EEF1A2: variants seen among roughly 807,000 people sequenced by gnomAD.
EEF1A2 encodes the protein eukaryotic translation elongation factor 1 alpha 2.
A neutral mutation model predicts 39.3 loss-of-function variants in EEF1A2; 5 were observed. That is an observed-to-expected ratio of 0.13 (90% CI 0.07 to 0.27). The LOEUF (loss-of-function observed/expected upper bound fraction) is 0.27, where lower values mean the gene tolerates loss of function less well. Ranked by LOEUF, EEF1A2 falls within the 10% of genes least tolerant of loss-of-function variation. EEF1A2 has a pLI of 1.00. For missense variants in EEF1A2, 218 were observed against 681.4 expected (o/e 0.32, Z 7.57); for synonymous variants, 287 against 293.7 (o/e 0.98, Z 0.23).
At chr20:63,494,321 C>G (rs960540754) in intron 4 of EEF1A2, among the ~76,000 whole-genome samples, 2 of 152,246 alleles carry the variant, frequency 1.3e-5, no homozygotes, top group African/African-American at 4.8e-5. Context: ...CAAGAGCCAA[C>G]CCTTGGCCAT....
Position 63,495,967 on chromosome 20 carries a change from G to A in EEF1A2, c.213C>T (p.Ile71=). Residue 71 remains isoleucine (I), a synonymous_variant, in exon 3 of 8, where the codon ATC becomes ATT. Transcript: ENST00000217182. ...DKLKAERERG[I]TIDISLWKFE... ...ACTTCCAGAGGGAGATGTCGATGGT[G>A]ATGCCGCGCTCACGCTCCGCCTTCA... 6.2e-7 allele frequency: 1 copy of A among 1,613,242 alleles called. No homozygotes were observed. Among genetic ancestry groups the A allele is most frequent in the Non-Finnish European group, 8.5e-7 (1 of 1,179,970 alleles).
chr20:63,494,805 G>T lies in EEF1A2; in HGVS notation c.621C>A (p.Asn207Lys), dbSNP rs544401782. Residue 207 changes from asparagine to lysine, a missense_variant and splice_region_variant, in exon 4 of 8, where the codon AAC becomes AAA. Asn to Lys is a moderately conservative substitution (Grantham distance 94). Transcript: ENST00000217182. The stretch of plus-strand genomic sequence containing the variant: ...CCGCCCCGCCCTAGCCGCCACTCAC[G>T]TTGGGGGAGGGCTCCAGCATGTTGT... ...HGDNMLEPSP[N>K]MPWFKGWKVE... The T allele has an allele frequency of 6.2e-7, 1 of 1,608,566 alleles. No individual in the cohort carries two copies. Among genetic ancestry groups the T allele is most frequent in the Admixed American group, 1.7e-5 (1 of 59,964 alleles).
At chr20:63,496,203 C>G (rs2082415926) in intron 2 of EEF1A2, 168 bp from the exon 3 acceptor site, 1 of 792,328 alleles carries the variant, frequency 1.3e-6, no homozygotes, top group African/African-American at 1.7e-5. Flanking sequence ...CGTCGGGACC[C>G]CACACCCAGA....
At chr20:63,492,452 G>A (rs2082390668) in intron 5 of EEF1A2, among the ~76,000 whole-genome samples, 1 of 150,744 alleles carries the variant, frequency 6.6e-6, no homozygotes, top group Admixed American at 6.6e-5. Context: ...GACAATGGAT[G>A]GATGGATGGA....
intron 5 of EEF1A2, 100 bp downstream of exon 5, chr20:63,493,037 G>A (rs1023755764): frequency 5.4e-5 from 78 of 1,434,668 alleles, no homozygotes; most frequent in Admixed American, 7.3e-5. Context: ...TAAGGGGAGA[G>A]ATTGGAGACA....
At chr20:63,488,800 G>T (rs372021131) in intron 7 of EEF1A2, 118 bp downstream of exon 7, 29 of 1,142,426 alleles carry the variant, frequency 2.5e-5, no homozygotes, top group Middle Eastern at 2.8e-4. Context: ...TCTGGGCCAA[G>T]CTCCGCAGGA....
At chr20:63,493,809 G>A (rs758070816) in intron 4 of EEF1A2, among the ~76,000 whole-genome samples, 3 of 152,218 alleles carry the variant, frequency 2.0e-5, no homozygotes, top group Non-Finnish European at 2.9e-5. Context: ...TGGGCCACCT[G>A]CCACAAACAG....
At chr20:63,492,367 TAGAG>T (rs1488520343) in intron 5 of EEF1A2, among the ~76,000 whole-genome samples, 15 of 139,918 alleles carry the variant, frequency 1.1e-4, no homozygotes, top group South Asian at 9.2e-4. Flanking sequence ...GATGGATGGA[TAGAG>T]AGAAGGATGG....
chr20:63,493,064 C>T, intron 5 of EEF1A2, 73 bp downstream of exon 5: 1 of 1,501,888 alleles, frequency 6.7e-7, no homozygotes, highest in Non-Finnish European at 8.9e-7. Flanking sequence ...TCTTGAGATG[C>T]CTTGTAGGGG....
intron 5 of EEF1A2, among the ~76,000 whole-genome samples, chr20:63,492,785 G>A (rs2038551600): frequency 1.4e-5 from 2 of 144,686 alleles, no homozygotes; most frequent in South Asian, 4.5e-4. Flanking sequence ...TGGATAGATG[G>A]AGAGATGGAG....
chr20:63,494,017 G>A (rs887223264), intron 4 of EEF1A2, among the ~76,000 whole-genome samples: 6 of 152,366 alleles, frequency 3.9e-5, no homozygotes, highest in African/African-American at 1.4e-4. Context: ...ACCGAGCCTC[G>A]TGAGATGGAG....
chr20:63,498,399 C>G lies in EEF1A2; in HGVS notation c.-71-565G>C, dbSNP rs2082428187. ...GGAGATGCGCTGCCCAGATTAGGAACCCAGAATAGCTCTAGGCACCCCCCT... is the reference window on the plus strand; with the variant it reads ...GGAGATGCGCTGCCCAGATTAGGAAGCCAGAATAGCTCTAGGCACCCCCCT... On this transcript the variant is annotated intron_variant, in intron 1 of 7. Coordinates refer to ENST00000217182, the MANE Select transcript of EEF1A2 (RefSeq NM_001958.5). The surrounding 1 kb of genome is among the most constrained non-coding windows in gnomAD (Gnocchi z 4.1). 1 of 152,380 alleles carries G rather than the reference C, an allele frequency of 6.6e-6. No individual in the cohort carries two copies. Among genetic ancestry groups the G allele is most frequent in the Non-Finnish European group, 1.5e-5 (1 of 68,176 alleles). 9.4% of individuals were successfully genotyped at this position (152,380 alleles called of 1,614,324 possible). A position where few individuals can be genotyped will look rare whatever the true frequency, so the allele number is the denominator to read the frequency against.
At chr20:63,491,534 C>A (rs917928542) in intron 5 of EEF1A2, among the ~76,000 whole-genome samples, 1 of 152,168 alleles carries the variant, frequency 6.6e-6, no homozygotes, top group Non-Finnish European at 1.5e-5. Context: ...CCTGCAACAT[C>A]TTTGGCTGCA....
At chr20:63,493,066 T>C in intron 5 of EEF1A2, 71 bp downstream of exon 5, 1 of 1,506,058 alleles carries the variant, frequency 6.6e-7, no homozygotes, top group Non-Finnish European at 8.9e-7. Flanking sequence ...TTGAGATGCC[T>C]TGTAGGGGCC....
intron 2 of EEF1A2, chr20:63,496,451 C>T (rs932833967): frequency 2.1e-5 from 4 of 192,066 alleles, no homozygotes; most frequent in Non-Finnish European, 4.3e-5. Flanking sequence ...ATAAATAACC[C>T]TCTGTGTGTG....
chr20:63,492,548 GGATA>G (rs1247477010), intron 5 of EEF1A2, among the ~76,000 whole-genome samples: 1 of 138,438 alleles, frequency 7.2e-6, no homozygotes, highest in African/African-American at 2.7e-5. Context: ...ATGGATGGAT[GGATA>G]GAGAGAAGGA....
Position 63,495,021 on chromosome 20 carries a change from C to T in EEF1A2, c.405G>A (p.Glu135=), listed in dbSNP as rs1246153481. 2 of 1,612,772 alleles carry T rather than the reference C, an allele frequency of 1.2e-6. No individual in the cohort carries two copies. Among genetic ancestry groups the T allele is most frequent in the Non-Finnish European group, 8.5e-7 (1 of 1,179,962 alleles). ...AGISKNGQTR[E]HALLAYTLGV... ...CCAGCGTGTAGGCCAGCAGGGCATG[C>T]TCCCGCGTCTGCCCATTCTTGGAGA... is the stretch of plus-strand genomic sequence containing the variant. Residue 135 remains glutamate (E), a synonymous_variant, in exon 4 of 8, where the codon GAG becomes GAA. Transcript: ENST00000217182.
intron 7 of EEF1A2, 134 bp from the exon 8 acceptor site, chr20:63,488,559 T>G: frequency 8.2e-7 from 1 of 1,222,640 alleles, no homozygotes; most frequent in Non-Finnish European, 1.1e-6. Context: ...CGCGCCCCTG[T>G]GAAGACGGCC....
intron 6 of EEF1A2, among the ~76,000 whole-genome samples, chr20:63,489,738 G>A (rs1421153115): frequency 2.0e-5 from 3 of 152,028 alleles, no homozygotes; most frequent in Non-Finnish European, 4.4e-5. Flanking sequence ...AGCCGAGATC[G>A]CACCACTGCA....
Sources: allele counts gnomAD v4.1 joint callset (sites outside exome capture counted in the v4.1 genomes callset), GRCh38; gene constraint gnomAD v4.1.1; non-coding constraint Gnocchi (gnomAD v3.1); transcripts MANE v1.5; gene names NCBI Gene and HGNC (gene_info 2026-07-23, HGNC 2026-07-21).